The following SPATA21 variants were observed in gnomAD, a reference collection of about 807,000 sequenced individuals.
The protein encoded by SPATA21 is spermatogenesis associated 21.
A neutral mutation model predicts 54.8 loss-of-function variants in SPATA21; 47 were observed. The observed-to-expected ratio is 0.86, with a 90% CI of 0.68 to 1.09. The LOEUF (loss-of-function observed/expected upper bound fraction) is 1.09, where lower values mean the gene tolerates loss of function less well. Ranked by LOEUF, SPATA21 falls within the 50% of genes least tolerant of loss-of-function variation. The pLI is 0.00. For synonymous variants in SPATA21, 245 were observed against 235.3 expected (o/e 1.04, Z -0.38); for missense variants, 599 against 596.4 (o/e 1.00, Z -0.05).
chr1:16,400,333 A>C, intron 11 of SPATA21: 1 of 675,254 alleles, frequency 1.5e-6, no homozygotes, highest in Non-Finnish European at 1.8e-6. Context: ...CATTTTTCTA[A>C]TCTGTAAAAT....
chr1:16,429,881 C>T (rs965783988), intron 3 of SPATA21, among the ~76,000 whole-genome samples: 2 of 151,032 alleles, frequency 1.3e-5, no homozygotes, highest in Non-Finnish European at 3.0e-5. Context: ...CAAAAAGAGG[C>T]CAGTGGGGCG....
intron 5 of SPATA21, among the ~76,000 whole-genome samples, 170 bp from the exon 6 acceptor site, chr1:16,410,213 C>T (rs1401373609): frequency 2.6e-5 from 4 of 152,186 alleles, no homozygotes; most frequent in Non-Finnish European, 5.9e-5. Flanking sequence ...TGCCCCACGT[C>T]CTCCCCAACA....
At position 16,405,125 on chromosome 1, in the gene SPATA21, T is replaced by C. The variant is rs1258507015; in HGVS notation, c.674-21A>G. On this transcript the variant is annotated intron_variant, in intron 7 of 12. Coordinates refer to ENST00000335496, the MANE Select transcript of SPATA21 (RefSeq NM_198546.1). ...GAAGGCTGTGGGGAGGGCAGGGTTA[T>C]GTGGAGTGGGGGCATTTCTTGTTTC... 8 of 1,594,062 alleles carry C rather than the reference T, an allele frequency of 5.0e-6. No individual in the cohort carries two copies. The African/African-American group carries it at 6.8e-5, about 14-fold the overall frequency.
Position 16,428,834 on chromosome 1 carries a change from G to A in SPATA21, c.34+2504C>T, listed in dbSNP as rs2086385302. Among the ~76,000 whole-genome samples, 1 of 152,170 alleles carries A rather than the reference G, an allele frequency of 6.6e-6. No individual in the cohort carries two copies. Among genetic ancestry groups the A allele is most frequent in the African/African-American group, 2.4e-5 (1 of 41,424 alleles). On this transcript the variant is annotated intron_variant, in intron 3 of 12. Transcript: ENST00000335496. This position sits in a 1 kb window ranked among gnomAD's most constrained non-coding sequence, Gnocchi z 4.3. ...CATTGATATAATACAAGATTCTGAT[G>A]TGAGCTAATACTAACAGGCACCTAC...
chr1:16,427,787 TTCTC>T (rs142680373), intron 3 of SPATA21: 7 of 1,446,982 alleles, frequency 4.8e-6, no homozygotes, highest in South Asian at 1.4e-5. Context: ...GAGTTCTCCA[TTCTC>T]TCTCTCTCCC....
chr1:16,422,435 T>C (rs1322375266), intron 3 of SPATA21, among the ~76,000 whole-genome samples: 2 of 152,004 alleles, frequency 1.3e-5, no homozygotes, highest in Admixed American at 1.3e-4. Flanking sequence ...CACACTTCCC[T>C]ATGGGAGTGG....
chr1:16,426,579 A>ATATTTT (rs1401259793), intron 3 of SPATA21, among the ~76,000 whole-genome samples: 1 of 107,152 alleles, frequency 9.3e-6, no homozygotes, highest in Admixed American at 1.0e-4. Context: ...ATATATATAT[A>ATATTTT]TTTTTTTTTT....
chr1:16,435,410 G>A (rs1032056293), intron 1 of SPATA21, among the ~76,000 whole-genome samples: 4 of 151,724 alleles, frequency 2.6e-5, no homozygotes, highest in Admixed American at 2.0e-4. Flanking sequence ...TCCGTCTCCC[G>A]TGTCCATGCA....
chr1:16,433,751 G>A (rs2086518444), intron 1 of SPATA21, among the ~76,000 whole-genome samples: 1 of 152,068 alleles, frequency 6.6e-6, no homozygotes, highest in South Asian at 2.1e-4. Context: ...CTAGCAGAGG[G>A]GCTTGGAATC....
chr1:16,420,799 G>A (rs997852508), intron 5 of SPATA21, among the ~76,000 whole-genome samples: 9 of 151,954 alleles, frequency 5.9e-5, no homozygotes, highest in Admixed American at 3.9e-4. Flanking sequence ...GAGGGGCGTG[G>A]GGGATGCTGT....
rs111977798 is a variant in SPATA21, at chr1:16,421,327, GCACA to G, written c.144+178_144+181del. On this transcript the variant is annotated intron_variant, in intron 5 of 12. Coordinates refer to ENST00000335496, the MANE Select transcript of SPATA21 (RefSeq NM_198546.1). This position sits in a 1 kb window ranked among gnomAD's most constrained non-coding sequence, Gnocchi z 5.2. ...CACACATGCATACACACAGGCACAG[GCACA>G]CACACACACGTGTGCACATCCATGT... 1.3e-5 allele frequency among the ~76,000 whole-genome samples: 2 copies of G among 151,184 alleles called. No homozygotes were observed. The highest frequency in any genetic ancestry group is 2.4e-5 in the African/African-American group (1 of 41,096).
At chr1:16,433,629 A>C (rs1007935700) in intron 1 of SPATA21, among the ~76,000 whole-genome samples, 2 of 152,144 alleles carry the variant, frequency 1.3e-5, no homozygotes, top group Non-Finnish European at 2.9e-5. Flanking sequence ...CCAGTATTCC[A>C]CAAACTGAAG....
chr1:16,421,575 C>G lies in SPATA21; in HGVS notation c.96-18G>C. ...CCTCACCCCTGAATAGAAGAGAAAC[C>G]CCCAGGTGGGGGAAGCGCTCAGCTG... On this transcript the variant is annotated intron_variant, in intron 4 of 12. Coordinates refer to ENST00000335496, the MANE Select transcript of SPATA21 (RefSeq NM_198546.1). This position sits in a 1 kb window ranked among gnomAD's most constrained non-coding sequence, Gnocchi z 5.2. The G allele has an allele frequency of 1.9e-6, 3 of 1,611,548 alleles. No individual in the cohort carries two copies. Among genetic ancestry groups the G allele is most frequent in the Non-Finnish European group, 2.5e-6 (3 of 1,179,104 alleles).
chr1:16,417,033 G>C (rs1034217243), intron 5 of SPATA21, among the ~76,000 whole-genome samples: 7 of 152,138 alleles, frequency 4.6e-5, no homozygotes, highest in African/African-American at 1.7e-4. Flanking sequence ...CTGCCTCACT[G>C]GACTCAAGAC....
At chr1:16,425,759 T>C in intron 3 of SPATA21, 2 of 1,534,298 alleles carry the variant, frequency 1.3e-6, no homozygotes, top group Non-Finnish European at 1.8e-6. Context: ...AGTGACACTT[T>C]AGCTCCCAGA....
chr1:16,408,419 C>G, intron 7 of SPATA21: 1 of 975,078 alleles, frequency 1.0e-6, no homozygotes, highest in Non-Finnish European at 1.2e-6. Flanking sequence ...TTCCTGGGGC[C>G]CTGTCTCCCA....
chr1:16,420,408 C>T (rs1439800730), intron 5 of SPATA21, among the ~76,000 whole-genome samples: 1 of 151,878 alleles, frequency 6.6e-6, no homozygotes, highest in African/African-American at 2.4e-5. Flanking sequence ...CCTGTAGTCC[C>T]AGCTACTCAG....
At position 16,421,977 on chromosome 1, in the gene SPATA21, G is replaced by C; in HGVS notation, c.35-6C>G. ...GGGGTTGACTGTCTTTTCCTCTGGA[G>C]CCACGACGGACATTGGGGGCATTGC... On this transcript the variant is annotated splice_region_variant and splice_polypyrimidine_tract_variant and intron_variant, in intron 3 of 12. Transcript: ENST00000335496. This position sits in a 1 kb window ranked among gnomAD's most constrained non-coding sequence, Gnocchi z 5.2. 1 of 1,614,204 alleles carries C rather than the reference G, an allele frequency of 6.2e-7. No individual in the cohort carries two copies. Among genetic ancestry groups the C allele is most frequent in the Non-Finnish European group, 8.5e-7 (1 of 1,180,040 alleles).
chr1:16,408,386 G>A (rs2085715608), intron 7 of SPATA21: 11 of 795,610 alleles, frequency 1.4e-5, no homozygotes, highest in Non-Finnish European at 1.7e-5. Context: ...TTAATGGTGA[G>A]GGACCATCTA....
Sources: gnomAD v4.1 joint callset for allele counts (sites outside exome capture counted in the v4.1 genomes callset) on GRCh38, gnomAD v4.1.1 for gene constraint, Gnocchi (gnomAD v3.1) non-coding constraint, MANE v1.5 for transcripts, NCBI Gene and HGNC (gene_info 2026-07-23, HGNC 2026-07-21) for gene names.